AKAP6: variants seen among roughly 807,000 people sequenced by gnomAD.
AKAP6 encodes the protein A-kinase anchoring protein 6, also known as A-kinase anchor protein 6.
Under a neutral mutation model 188.5 loss-of-function variants are expected in AKAP6, and 58 were observed. The observed-to-expected ratio is 0.31, with a 90% confidence interval of 0.25 to 0.38. AKAP6 has a LOEUF of 0.38. Among genes scored for constraint, AKAP6 ranks in the 10% least tolerant of loss-of-function variants. The pLI is 1.00. For synonymous variants in AKAP6, 989 were observed against 998.6 expected, an observed-to-expected ratio of 0.99 and a Z score of 0.18; for missense variants, 2,710 against 2,740.0, an observed-to-expected ratio of 0.99 and a Z score of 0.24.
rs570890296 is a variant in AKAP6, at chr14:32,597,998, G to A, written c.2470-1412G>A. ...GCTACACTTCATTCTCTAGTAACAT[G>A]TTCAGTTGCCCTTTGGGGCCAGAGG... On this transcript the variant is annotated intron_variant, in intron 5 of 13. Coordinates refer to ENST00000280979, the MANE Select transcript of AKAP6 (RefSeq NM_004274.5). 2.0e-4 allele frequency among the ~76,000 whole-genome samples: 30 copies of A among 152,254 alleles called. No homozygotes were observed. The South Asian group carries it at 6.2e-3, about 32-fold the overall frequency.
At chr14:32,669,646 A>T (rs1424402561) in intron 7 of AKAP6, among the ~76,000 whole-genome samples, 1 of 152,200 alleles carries the variant, frequency 6.6e-6, no homozygotes, top group Non-Finnish European at 1.5e-5. Context: ...CTGCTAATAG[A>T]CATACCCAAG....
At chr14:32,721,884 G>A (rs2139789951) in intron 9 of AKAP6, among the ~76,000 whole-genome samples, 1 of 152,174 alleles carries the variant, frequency 6.6e-6, no homozygotes, top group East Asian at 1.9e-4. Context: ...CTATCTCCCA[G>A]GCCAATCCTC....
intron 7 of AKAP6, among the ~76,000 whole-genome samples, chr14:32,614,132 C>T (rs1488683564): frequency 2.0e-5 from 3 of 152,080 alleles, no homozygotes; most frequent in African/African-American, 7.2e-5. Flanking sequence ...ACAAAGATAT[C>T]GCTGAATAAA....
chr14:32,754,359 A>T (rs542977241), intron 11 of AKAP6, among the ~76,000 whole-genome samples: 1 of 152,244 alleles, frequency 6.6e-6, no homozygotes, highest in South Asian at 2.1e-4. Flanking sequence ...TTAACAGCTT[A>T]ACTGTGACCA....
intron 2 of AKAP6, among the ~76,000 whole-genome samples, chr14:32,492,023 T>C (rs973418678): frequency 2.0e-5 from 3 of 152,092 alleles, no homozygotes; most frequent in Non-Finnish European, 2.9e-5. Context: ...AGGGTTATCT[T>C]ATTATCCAGT....
intron 8 of AKAP6, among the ~76,000 whole-genome samples, chr14:32,683,086 T>C (rs1889761497): frequency 6.6e-6 from 1 of 151,914 alleles, no homozygotes; most frequent in Non-Finnish European, 1.5e-5. Context: ...CTCCGCCTCT[T>C]GGGTTCAAGC....
At chr14:32,449,695 A>G (rs948433614) in intron 2 of AKAP6, among the ~76,000 whole-genome samples, 1 of 152,212 alleles carries the variant, frequency 6.6e-6, no homozygotes, top group Non-Finnish European at 1.5e-5. Context: ...GAGGACTGAT[A>G]ATCTAATTTA....
intron 3 of AKAP6, among the ~76,000 whole-genome samples, chr14:32,544,453 G>T (rs1883097344): frequency 1.3e-5 from 2 of 152,126 alleles, no homozygotes; most frequent in South Asian, 2.1e-4. Context: ...TCGTAATGCT[G>T]TTTTTTTAGT....
At chr14:32,756,669 G>A (rs929344404) in intron 11 of AKAP6, among the ~76,000 whole-genome samples, 3 of 152,200 alleles carry the variant, frequency 2.0e-5, no homozygotes, top group Non-Finnish European at 2.9e-5. Flanking sequence ...CTCTGCAGGA[G>A]CTAGCTTAGA....
At chr14:32,584,000 T>C (rs965318760) in intron 5 of AKAP6, among the ~76,000 whole-genome samples, 1 of 152,202 alleles carries the variant, frequency 6.6e-6, no homozygotes, top group Non-Finnish European at 1.5e-5. Context: ...GCGCCCACTG[T>C]CTGGCACTCC....
intron 2 of AKAP6, among the ~76,000 whole-genome samples, chr14:32,447,182 T>C (rs1055032137): frequency 4.6e-5 from 7 of 152,180 alleles, no homozygotes; most frequent in African/African-American, 1.4e-4. Context: ...TGAGAGCACC[T>C]TGTCTCTTGA....
intron 11 of AKAP6, among the ~76,000 whole-genome samples, chr14:32,767,558 GA>G (rs2032756686): frequency 1.3e-5 from 2 of 151,932 alleles, no homozygotes; most frequent in African/African-American, 4.8e-5. Context: ...AGTACATTTG[GA>G]TGGATAGATC....
At chr14:32,366,019 C>G (rs1566466424) in intron 1 of AKAP6, among the ~76,000 whole-genome samples, 1 of 152,148 alleles carries the variant, frequency 6.6e-6, no homozygotes. Flanking sequence ...AGTCCTGCCC[C>G]TTAGGAGGTA....
At chr14:32,554,456 A>C (rs1186191065) in intron 4 of AKAP6, among the ~76,000 whole-genome samples, 2 of 152,216 alleles carry the variant, frequency 1.3e-5, no homozygotes, top group Non-Finnish European at 2.9e-5. Flanking sequence ...TGAGGACTCC[A>C]GGCTTAAATG....
chr14:32,367,161 G>C (rs545096504), intron 1 of AKAP6, among the ~76,000 whole-genome samples: 3 of 152,182 alleles, frequency 2.0e-5, no homozygotes, highest in Non-Finnish European at 4.4e-5. Context: ...CACTTCTTCA[G>C]ACTTGGCAGC....
chr14:32,439,954 T>G (rs1056271104), intron 2 of AKAP6, among the ~76,000 whole-genome samples: 6 of 152,230 alleles, frequency 3.9e-5, no homozygotes, highest in South Asian at 2.1e-4. Flanking sequence ...GAGTAGTTAT[T>G]TTCATTTTTG....
At chr14:32,556,331 G>A (rs574005052) in intron 4 of AKAP6, among the ~76,000 whole-genome samples, 4 of 151,886 alleles carry the variant, frequency 2.6e-5, no homozygotes, top group South Asian at 4.2e-4. Context: ...GTAGGAGTTC[G>A]TTATATATTC....
intron 1 of AKAP6, among the ~76,000 whole-genome samples, chr14:32,330,389 T>C (rs979444037): frequency 4.6e-5 from 7 of 152,054 alleles, no homozygotes; most frequent in Admixed American, 2.6e-4. Context: ...TATTATTTTC[T>C]AAAAAATTAG....
chr14:32,508,260 A>G (rs1241814254), intron 2 of AKAP6, among the ~76,000 whole-genome samples: 1 of 152,214 alleles, frequency 6.6e-6, no homozygotes, highest in African/African-American at 2.4e-5. Flanking sequence ...ATTGGTATTA[A>G]ATTCAGTGAA....
Sources: allele counts gnomAD v4.1 joint callset (sites outside exome capture counted in the v4.1 genomes callset), GRCh38; gene constraint gnomAD v4.1.1; transcripts MANE v1.5; gene names NCBI Gene and HGNC (gene_info 2026-07-23, HGNC 2026-07-21).